The following SLC26A4 variants were observed in gnomAD, a reference collection of about 807,000 sequenced individuals.
The protein encoded by SLC26A4 is pendrin.
Under a neutral mutation model 90.4 loss-of-function variants are expected in SLC26A4, and 93 were observed. The ratio of observed to expected loss-of-function variants is 1.03; its 90% CI spans 0.87 to 1.22. SLC26A4 has a LOEUF of 1.22. Among genes scored for constraint, SLC26A4 ranks in the 50% most tolerant of loss-of-function variants. SLC26A4 has a pLI of 0.00. For synonymous variants in SLC26A4, 393 were observed against 354.6 expected (o/e 1.11, Z -1.22); for missense variants, 1,127 against 946.2 (o/e 1.19, Z -2.51).
chr7:107,694,710 T>C lies in SLC26A4; in HGVS notation c.1431T>C (p.Ile477=), dbSNP rs1584330196. The part of the protein sequence containing the change: ...DIPRLWRQNK[I]DAVIWVFTCI... ...CTCGTCTGTGGAGACAGAATAAGAT[T>C]GATGCTGTAAGTCACCTACCACCTA... The change falls in exon 12 of 21, where the codon ATT becomes ATC. Residue 477 remains isoleucine (I), a synonymous_variant. Coordinates refer to ENST00000644269, the MANE Select transcript of SLC26A4 (RefSeq NM_000441.2). The C allele has an allele frequency of 6.2e-7, 1 of 1,605,550 alleles. No individual in the cohort carries two copies. The highest frequency in any genetic ancestry group is 1.1e-5 in the South Asian group (1 of 90,906).
chr7:107,707,064 GA>G (rs1792053990), intron 18 of SLC26A4, among the ~76,000 whole-genome samples: 1 of 152,138 alleles, frequency 6.6e-6, no homozygotes, highest in Non-Finnish European at 1.5e-5. Context: ...TTGAGCTGGG[GA>G]AGTGGAGGTA....
At position 107,675,121 on chromosome 7, in the gene SLC26A4, T is replaced by C. The variant is rs759640770; in HGVS notation, c.765+12T>C. 1.9e-6 allele frequency: 3 copies of C among 1,612,434 alleles called. No individual in the cohort carries two copies. In the African/African-American group the frequency reaches 4.0e-5, roughly 22 times the overall value. On this transcript the variant is annotated intron_variant, in intron 6 of 20. Coordinates refer to ENST00000644269, the MANE Select transcript of SLC26A4 (RefSeq NM_000441.2). ...TCTCTATTATCTATGTAAGTGTTGC[T>C]TCTTGCTCCAGGGATGGGTCACTGT... is the stretch of plus-strand genomic sequence containing the variant.
chr7:107,689,446 T>C (rs747972535), intron 9 of SLC26A4, among the ~76,000 whole-genome samples: 8 of 152,354 alleles, frequency 5.3e-5, no homozygotes, highest in Middle Eastern at 3.4e-3. Flanking sequence ...AGTCAGGTCA[T>C]AAATAACATT....
In SLC26A4 at chr7:107,661,619, C is replaced by G. The variant is rs957239634; in HGVS notation, c.-3-20C>G. ...TCGCTTACCGCGTGTCCTCCCTCCT[C>G]GCTGTCCTCTGGCTCGCAGGTCATG... On this transcript the variant is annotated intron_variant, in intron 1 of 20. Transcript: ENST00000644269. The surrounding 1 kb of genome is among the most constrained non-coding windows in gnomAD (Gnocchi z 5.1). The G allele has an allele frequency of 1.3e-6, 2 of 1,548,686 alleles. No individual in the cohort carries two copies. Among genetic ancestry groups the G allele is most frequent in the Non-Finnish European group, 8.7e-7 (1 of 1,152,138 alleles).
intron 2 of SLC26A4, 104 bp from the exon 3 acceptor site, chr7:107,663,192 A>T: frequency 7.9e-7 from 1 of 1,269,718 alleles, no homozygotes; most frequent in Non-Finnish European, 1.2e-6. Flanking sequence ...TCCTTTTTCC[A>T]AATAGTTATA....
At chr7:107,678,799 C>T (rs1353875424) in intron 6 of SLC26A4, among the ~76,000 whole-genome samples, 2 of 151,726 alleles carry the variant, frequency 1.3e-5, no homozygotes, top group African/African-American at 4.8e-5. Context: ...GCCGCTTAGT[C>T]TCTGAACAGA....
At chr7:107,706,986 G>A (rs1488189181) in intron 18 of SLC26A4, among the ~76,000 whole-genome samples, 1 of 152,110 alleles carries the variant, frequency 6.6e-6, no homozygotes, top group Admixed American at 6.6e-5. Flanking sequence ...CTGGCAACAT[G>A]GCAAAACGCC....
At chr7:107,692,209 A>G in intron 10 of SLC26A4, 1 of 589,110 alleles carries the variant, frequency 1.7e-6, no homozygotes, top group South Asian at 2.3e-5. Context: ...GGATTTCAGC[A>G]TTAAAGAATG....
intron 10 of SLC26A4, among the ~76,000 whole-genome samples, chr7:107,690,980 T>C (rs1162713422): frequency 6.6e-6 from 1 of 151,910 alleles, no homozygotes; most frequent in African/African-American, 2.4e-5. Flanking sequence ...AGAGACAGAC[T>C]CAGGAATTTT....
chr7:107,709,942 G>A, intron 18 of SLC26A4, 112 bp from the exon 19 acceptor site: 1 of 833,396 alleles, frequency 1.2e-6, no homozygotes, highest in South Asian at 1.5e-5. Flanking sequence ...GTTGCAGTGA[G>A]CAATGATGCC....
Position 107,661,815 on chromosome 7 carries a change from G to C in SLC26A4, c.164+10G>C. The C allele has an allele frequency of 1.3e-6, 2 of 1,534,228 alleles. No individual in the cohort carries two copies. The highest frequency in any genetic ancestry group is 1.7e-6 in the Non-Finnish European group (2 of 1,145,836). ...TGGCCAAGTGCTGCAGGTAGCGGCCGCGCGGGCCTGCGTAGAGAGAAGCGG... is the reference window on the plus strand; with the variant it reads ...TGGCCAAGTGCTGCAGGTAGCGGCCCCGCGGGCCTGCGTAGAGAGAAGCGG... On this transcript the variant is annotated intron_variant, in intron 2 of 20. Transcript: ENST00000644269. This position sits in a 1 kb window ranked among gnomAD's most constrained non-coding sequence, Gnocchi z 5.1.
intron 2 of SLC26A4, among the ~76,000 whole-genome samples, chr7:107,662,670 T>A (rs73191610): frequency 0.045 from 6,819 of 152,266 alleles, 179 homozygotes; most frequent in Middle Eastern, 0.068. Context: ...AAAAATAACC[T>A]CCTAATATCA....
In SLC26A4 at chr7:107,683,229, G is replaced by T; in HGVS notation, c.793G>T (p.Gly265Cys). 2 of 1,612,250 alleles carry T rather than the reference G, an allele frequency of 1.2e-6. No homozygotes were observed. The highest frequency in any genetic ancestry group is 1.7e-6 in the Non-Finnish European group (2 of 1,179,664). ...YTLVEIFQNI[G>C]DTNLADFTAG... Reference sequence around the variant, plus strand: ...GCTGGTTGAGATTTTTCAAAATATTGGTGATACCAATCTTGCTGATTTCAC... The same window carrying T: ...GCTGGTTGAGATTTTTCAAAATATTTGTGATACCAATCTTGCTGATTTCAC... Residue 265 changes from glycine to cysteine, a missense_variant, in exon 7 of 21, where the codon GGT becomes TGT. By Grantham distance (159) the Gly-to-Cys change is radical (BLOSUM62 -3). Coordinates refer to ENST00000644269, the MANE Select transcript of SLC26A4 (RefSeq NM_000441.2).
chr7:107,679,884 C>G (rs1562826806), intron 6 of SLC26A4, among the ~76,000 whole-genome samples: 2 of 88,596 alleles, frequency 2.3e-5, no homozygotes, highest in African/African-American at 1.1e-4. Flanking sequence ...ATTATATAAT[C>G]TTATCTTATA....
intron 13 of SLC26A4, 54 bp from the exon 14 acceptor site, chr7:107,697,988 A>G (rs1215985679): frequency 2.6e-6 from 3 of 1,154,856 alleles, no homozygotes; most frequent in Non-Finnish European, 3.9e-6. Context: ...TTAACTTTTT[A>G]TTCCAAAATA....
chr7:107,660,945 T>G lies in SLC26A4; in HGVS notation c.-4+90T>G, dbSNP rs73191607. On this transcript the variant is annotated intron_variant, in intron 1 of 20. Transcript: ENST00000644269. The stretch of plus-strand genomic sequence containing the variant: ...GGTTGCGGATGGGACTCTTAAGTGG[T>G]CACGGATCAGGTGGGCAGGGGGCAG... 6,810 of 152,242 alleles carry G rather than the reference T, an allele frequency of 0.045. 175 individuals are homozygous for G. The highest frequency in any genetic ancestry group is 0.067 in the Middle Eastern group (20 of 298). The allele number at this position is 152,242 out of a possible 1,614,324, so 9.4% of individuals were successfully genotyped here.
At chr7:107,696,612 C>A (rs1584331979) in intron 13 of SLC26A4, among the ~76,000 whole-genome samples, 1 of 152,272 alleles carries the variant, frequency 6.6e-6, no homozygotes, top group East Asian at 1.9e-4. Context: ...CTCATATAAC[C>A]AATAAGGCAT....
chr7:107,688,700 T>C (rs967558790), intron 8 of SLC26A4, among the ~76,000 whole-genome samples: 4 of 152,244 alleles, frequency 2.6e-5, no homozygotes, highest in South Asian at 2.1e-4. Flanking sequence ...TCAAAGAACT[T>C]TAAGATGGAA....
In SLC26A4 at chr7:107,690,203, C is replaced by T. The variant is rs111033220; in HGVS notation, c.1229C>T (p.Thr410Met). ...CFVATTALSRTAVQESTGGKT... is the reference protein window; with the variant it reads ...CFVATTALSRMAVQESTGGKT... ...GTGGCCACCACTGCTCTTTCCCGCACGGCCGTCCAGGAGAGCACTGGAGGA... is the reference window on the plus strand; with the variant it reads ...GTGGCCACCACTGCTCTTTCCCGCATGGCCGTCCAGGAGAGCACTGGAGGA... Residue 410 changes from threonine to methionine, a missense_variant, in exon 10 of 21, where the codon ACG becomes ATG. Physicochemically the swap from Thr to Met is moderately conservative, Grantham distance 81 (BLOSUM62 -1). Transcript: ENST00000644269. 234 of 1,611,790 alleles carry T rather than the reference C, an allele frequency of 1.5e-4. 1 individual carries two copies. Among genetic ancestry groups the T allele is most frequent in the East Asian group, 6.7e-4 (30 of 44,864 alleles).
Sources: allele counts gnomAD v4.1 joint callset (sites outside exome capture counted in the v4.1 genomes callset), GRCh38; gene constraint gnomAD v4.1.1; non-coding constraint Gnocchi (gnomAD v3.1); transcripts MANE v1.5; gene names NCBI Gene and HGNC (gene_info 2026-07-23, HGNC 2026-07-21).